TG: variants seen among roughly 807,000 people sequenced by gnomAD.
TG encodes thyroglobulin.
A neutral mutation model predicts 324.7 loss-of-function variants in TG; 270 were observed. The ratio of observed to expected loss-of-function variants is 0.83; its 90% confidence interval spans 0.75 to 0.92. The LOEUF (loss-of-function observed/expected upper bound fraction) is 0.92. TG is among the 40% of genes least tolerant of loss of function. TG has a pLI of 0.00. For missense variants in TG, 3,591 were observed against 3,456.4 expected, an observed-to-expected ratio of 1.04 and a Z score of -0.98; for synonymous variants, 1,401 against 1,327.0, an observed-to-expected ratio of 1.06 and a Z score of -1.21.
intron 35 of TG, among the ~76,000 whole-genome samples, chr8:132,985,229 G>A (rs1239215481): frequency 6.6e-6 from 1 of 152,214 alleles, no homozygotes; most frequent in Non-Finnish European, 1.5e-5. Flanking sequence ...TGCAGACAAA[G>A]CTGTGTGTAG....
intron 8 of TG, among the ~76,000 whole-genome samples, chr8:132,886,128 C>T (rs1345903915): frequency 1.3e-5 from 2 of 152,080 alleles, no homozygotes; most frequent in African/African-American, 4.8e-5. Flanking sequence ...CACTATTCAC[C>T]TGAGTACCAT....
At chr8:133,061,971 A>G (rs1370491881) in intron 41 of TG, among the ~76,000 whole-genome samples, 1 of 152,238 alleles carries the variant, frequency 6.6e-6, no homozygotes, top group Non-Finnish European at 1.5e-5. Flanking sequence ...AGACATTTAC[A>G]TGAACAACTT....
intron 10 of TG, among the ~76,000 whole-genome samples, chr8:132,888,900 C>T (rs1350268316): frequency 2.0e-5 from 3 of 152,182 alleles, no homozygotes; most frequent in Non-Finnish European, 2.9e-5. Context: ...TGGAGATGAC[C>T]TGGCCCTCGT....
At chr8:133,104,934 T>C (rs1397937477) in intron 43 of TG, among the ~76,000 whole-genome samples, 1 of 152,212 alleles carries the variant, frequency 6.6e-6, no homozygotes, top group Non-Finnish European at 1.5e-5. Context: ...ATGACAGGAA[T>C]TGTGTCATGT....
At chr8:133,050,476 C>G (rs1379911717) in intron 41 of TG, 1 of 257,296 alleles carries the variant, frequency 3.9e-6, no homozygotes, top group Non-Finnish European at 7.5e-6. Context: ...ATTTCCAGAC[C>G]CTGGGGGCTG....
rs969032703 is a variant in TG at position 132,886,561 on chromosome 8, G to A, written c.1189G>A (p.Ala397Thr). 8 of 1,614,188 alleles carry A rather than the reference G, an allele frequency of 5.0e-6. No homozygotes were observed. In the Admixed American group the frequency reaches 1.0e-4, roughly 20 times the overall value. ...GTTCTCTTCCCCAGAGAAAAGATGG[G>A]CCTCTCCAAGAGTAGCCAGATTTGC... ...DLFSSPEKRW[A>T]SPRVARFATS... is the part of the protein sequence containing the mutation. The change falls in exon 9 of 48, where the codon GCC becomes ACC. Residue 397 changes from alanine (A) to threonine (T), a missense_variant. By Grantham distance (58) the Ala-to-Thr change is moderately conservative (BLOSUM62 0). Coordinates refer to ENST00000220616, the MANE Select transcript of TG (RefSeq NM_003235.5).
chr8:132,973,375 G>A lies in TG; in HGVS notation c.6199+634G>A, dbSNP rs533624570. On this transcript the variant is annotated intron_variant, in intron 34 of 47. Coordinates refer to ENST00000220616, the MANE Select transcript of TG (RefSeq NM_003235.5). ...TATAGAGTTAGGACTTCAGGGCCAAGGCAGCATTGACCCAACATGGGTCCT... is the reference window on the plus strand; with the variant it reads ...TATAGAGTTAGGACTTCAGGGCCAAAGCAGCATTGACCCAACATGGGTCCT... 5.3e-5 allele frequency among the ~76,000 whole-genome samples: 8 copies of A among 152,232 alleles called. No individual in the cohort carries two copies. The East Asian group carries it at 1.5e-3, about 29-fold the overall frequency.
rs1833546901 is a variant in TG at position 133,001,905 on chromosome 8, G to A, written c.6263-9996G>A. 8 of 985,314 alleles carry A rather than the reference G, an allele frequency of 8.1e-6. No homozygotes were observed. In the Admixed American group the frequency reaches 4.9e-4, roughly 61 times the overall value. 61.0% of individuals were successfully genotyped at this position (985,314 alleles called of 1,614,324 possible). ...CTATTTCCCAGCTATTCCATATTCA[G>A]GAGCAATCACTTGATGAGTGCTGAG... On this transcript the variant is annotated intron_variant, in intron 35 of 47. Transcript: ENST00000220616.
intron 35 of TG, among the ~76,000 whole-genome samples, chr8:132,985,766 T>C (rs1831444982): frequency 1.3e-5 from 2 of 152,256 alleles, no homozygotes; most frequent in South Asian, 4.1e-4. Context: ...CTGTAGGCAC[T>C]GGGGCACTGC....
At chr8:133,119,749 C>T (rs557788014) in intron 45 of TG, among the ~76,000 whole-genome samples, 4 of 152,290 alleles carry the variant, frequency 2.6e-5, no homozygotes, top group African/African-American at 7.2e-5. Context: ...AGGAGTTCAA[C>T]ATGATTCCCT....
chr8:133,013,545 G>T, intron 36 of TG, 55 bp from the exon 37 acceptor site: 2 of 1,608,004 alleles, frequency 1.2e-6, no homozygotes, highest in Non-Finnish European at 1.7e-6. Context: ...AAGAATGCAT[G>T]AGTGAAGTAA....
At chr8:133,088,959 G>A (rs1030867554) in intron 41 of TG, among the ~76,000 whole-genome samples, 17 of 152,244 alleles carry the variant, frequency 1.1e-4, no homozygotes, top group African/African-American at 3.9e-4. Context: ...AAGTCCATCT[G>A]TGCTTTAGCT....
At position 132,901,489 on chromosome 8, in the gene TG, T is replaced by C; in HGVS notation, c.3570T>C (p.Cys1190=). The change falls in exon 16 of 48, where the codon TGT becomes TGC. Residue 1190 remains cysteine (C), a synonymous_variant. Transcript: ENST00000220616. ...ACCAGGCCCAGGGCAGCTGCTGGTG[T>C]GTCATGGACAGCGGAGAAGAGGTGC... The part of the protein sequence containing the change: ...QCDQAQGSCW[C]VMDSGEEVPG... 1 of 1,614,120 alleles carries C rather than the reference T, an allele frequency of 6.2e-7. No homozygotes were observed. The highest frequency in any genetic ancestry group is 2.2e-5 in the East Asian group (1 of 44,882).
intron 23 of TG, among the ~76,000 whole-genome samples, chr8:132,933,080 G>A (rs1167725782): frequency 6.6e-6 from 1 of 151,672 alleles, no homozygotes; most frequent in East Asian, 1.9e-4. Context: ...ATGGGGGATC[G>A]ATGATTCAAT....
At chr8:132,976,508 A>G (rs527607953) in intron 34 of TG, among the ~76,000 whole-genome samples, 1 of 152,280 alleles carries the variant, frequency 6.6e-6, no homozygotes, top group East Asian at 1.9e-4. Flanking sequence ...CTGTTGCTGG[A>G]AGGTTCCTAT....
intron 41 of TG, chr8:133,050,733 T>C (rs1840243377): frequency 3.3e-6 from 3 of 902,856 alleles, no homozygotes; most frequent in South Asian, 2.8e-5. Context: ...ACTAGACCAC[T>C]CTAGCTAACA....
chr8:133,092,974 T>C (rs751079976), intron 41 of TG, among the ~76,000 whole-genome samples: 4 of 152,190 alleles, frequency 2.6e-5, no homozygotes, highest in African/African-American at 7.2e-5. Context: ...CCTGGCTTTT[T>C]ATAGCCGAAG....
chr8:133,041,703 T>A (rs1026611159), intron 41 of TG, among the ~76,000 whole-genome samples: 1 of 150,910 alleles, frequency 6.6e-6, no homozygotes, highest in Non-Finnish European at 1.5e-5. Flanking sequence ...GAACCACCAC[T>A]CATAAGCACA....
intron 40 of TG, among the ~76,000 whole-genome samples, chr8:133,025,443 T>C (rs1835984198): frequency 6.6e-6 from 1 of 152,234 alleles, no homozygotes; most frequent in Admixed American, 6.5e-5. Context: ...GTTTTAAGTT[T>C]ATAGAAAAGT....
Sources: gnomAD v4.1 joint callset for allele counts (sites outside exome capture counted in the v4.1 genomes callset) on GRCh38, gnomAD v4.1.1 for gene constraint, MANE v1.5 for transcripts, NCBI Gene and HGNC (gene_info 2026-07-23, HGNC 2026-07-21) for gene names.